GRIN2A: variants seen among roughly 807,000 people sequenced by gnomAD.
The protein encoded by GRIN2A is glutamate receptor ionotropic, NMDA 2A.
In GRIN2A, 22 loss-of-function variants were observed where a neutral mutation model predicts 113.4. That is an observed-to-expected ratio of 0.19 (90% confidence interval 0.14 to 0.28). The LOEUF is 0.28. Among genes scored for constraint, GRIN2A ranks in the 10% least tolerant of loss-of-function variants. The pLI, the probability that GRIN2A is intolerant of heterozygous loss-of-function variation, is 1.00. For missense variants in GRIN2A, 1,502 were observed against 1,887.0 expected (o/e 0.80, Z 3.78); for synonymous variants, 827 against 738.4 (o/e 1.12, Z -1.94).
At chr16:9,801,310 C>T (rs1336870906) in intron 10 of GRIN2A, among the ~76,000 whole-genome samples, 2 of 152,186 alleles carry the variant, frequency 1.3e-5, no homozygotes, top group African/African-American at 4.8e-5. Context: ...TTTAGACTTT[C>T]TAAGTACCAC....
chr16:9,897,785 T>C (rs1340844329), intron 3 of GRIN2A, among the ~76,000 whole-genome samples: 2 of 152,180 alleles, frequency 1.3e-5, no homozygotes, highest in African/African-American at 4.8e-5. Context: ...TTCTAGACTC[T>C]CTTTGTGCTT....
intron 2 of GRIN2A, among the ~76,000 whole-genome samples, chr16:10,038,088 T>C (rs1412976134): frequency 6.6e-6 from 1 of 152,174 alleles, no homozygotes; most frequent in East Asian, 1.9e-4. Flanking sequence ...CAACAGACTT[T>C]ATTTCTCTCA....
In GRIN2A at chr16:10,071,945, T is replaced by C. The variant is rs545498215; in HGVS notation, c.414+108053A>G. 2.6e-5 allele frequency among the ~76,000 whole-genome samples: 4 copies of C among 152,328 alleles called. No individual in the cohort carries two copies. The South Asian group carries it at 8.3e-4, about 32-fold the overall frequency. On this transcript the variant is annotated intron_variant, in intron 2 of 12. Coordinates refer to ENST00000330684, the MANE Select transcript of GRIN2A (RefSeq NM_001134407.3). ...ATGGAGGCACAGAAAGGTGGGTAGG[T>C]TGCCCACCTAAGTGATAGAGCTAAA...
intron 2 of GRIN2A, among the ~76,000 whole-genome samples, chr16:10,065,048 G>A (rs1354196755): frequency 6.6e-6 from 1 of 152,136 alleles, no homozygotes; most frequent in Non-Finnish European, 1.5e-5. Flanking sequence ...AAATTACAGG[G>A]AAATTTAGCA....
At chr16:10,044,007 G>GTATATA (rs368522556) in intron 2 of GRIN2A, among the ~76,000 whole-genome samples, 5,381 of 115,710 alleles carry the variant, frequency 0.047, 147 homozygotes, top group Middle Eastern at 0.093. Context: ...GTGTGTGTGT[G>GTATATA]TATATATATA....
At chr16:10,118,398 C>T (rs971167521) in intron 2 of GRIN2A, among the ~76,000 whole-genome samples, 36 of 152,228 alleles carry the variant, frequency 2.4e-4, no homozygotes, top group African/African-American at 8.4e-4. Flanking sequence ...CCGATACTTG[C>T]GACATCAATG....
chr16:9,754,911 A>G lies in GRIN2A; in HGVS notation c.*8238T>C, dbSNP rs1401317008. On this transcript the variant is annotated 3_prime_UTR_variant, in exon 13 of 13. Coordinates refer to ENST00000330684, the MANE Select transcript of GRIN2A (RefSeq NM_001134407.3). ...GTCAGATCAATGGGAAGCATTTAAAATGCCAAAGACAAACTCATGTTTGCT... is the reference window on the plus strand; with the variant it reads ...GTCAGATCAATGGGAAGCATTTAAAGTGCCAAAGACAAACTCATGTTTGCT... 1 of 222,176 alleles carries G rather than the reference A, an allele frequency of 4.5e-6. No homozygotes were observed. Among genetic ancestry groups the G allele is most frequent in the Non-Finnish European group, 9.0e-6 (1 of 111,110 alleles). 13.8% of individuals were successfully genotyped at this position (222,176 alleles called of 1,614,324 possible).
chr16:10,072,781 ATT>A (rs2047782452), intron 2 of GRIN2A, among the ~76,000 whole-genome samples: 1 of 150,566 alleles, frequency 6.6e-6, no homozygotes, highest in South Asian at 2.1e-4. Flanking sequence ...GAATCCACAT[ATT>A]TAACAAGTTA....
intron 3 of GRIN2A, among the ~76,000 whole-genome samples, chr16:9,924,322 C>CACTGTGGAAAGATATTATT (rs2044415421): frequency 6.6e-6 from 1 of 152,086 alleles, no homozygotes; most frequent in Admixed American, 6.5e-5. Flanking sequence ...ATTTCATTTT[C>CACTGTGGAAAGATATTATT]ACTGTGGAAA....
intron 2 of GRIN2A, among the ~76,000 whole-genome samples, chr16:10,158,682 A>T (rs2049752077): frequency 6.6e-6 from 1 of 152,242 alleles, no homozygotes; most frequent in Non-Finnish European, 1.5e-5. Context: ...AAGGTCACAT[A>T]ACAGACGATC....
At chr16:10,086,932 G>C (rs2048096943) in intron 2 of GRIN2A, among the ~76,000 whole-genome samples, 2 of 152,210 alleles carry the variant, frequency 1.3e-5, no homozygotes, top group Admixed American at 6.5e-5. Flanking sequence ...GCAAACACAG[G>C]ATCCAGATAG....
chr16:10,041,655 A>G (rs577857050), intron 2 of GRIN2A, among the ~76,000 whole-genome samples: 16 of 152,264 alleles, frequency 1.1e-4, no homozygotes, highest in African/African-American at 3.6e-4. Context: ...CCAGGGATGC[A>G]ATAAGAGTTA....
rs140394810 is a variant in GRIN2A, at chr16:10,146,361, G to A, written c.414+33637C>T. ...TCAAACTCCTGACCTCAGGTGATCC[G>A]CCCACCTCGGCCTCCCACAGTGCAT... On this transcript the variant is annotated intron_variant, in intron 2 of 12. Coordinates refer to ENST00000330684, the MANE Select transcript of GRIN2A (RefSeq NM_001134407.3). 2.9e-3 allele frequency among the ~76,000 whole-genome samples: 443 copies of A among 152,102 alleles called. 2 individuals are homozygous for A. Among genetic ancestry groups the A allele is most frequent in the African/African-American group, 0.01 (425 of 41,496 alleles).
Position 10,014,163 on chromosome 16 carries a change from T to C in GRIN2A, c.415-75612A>G, listed in dbSNP as rs2046560631. On this transcript the variant is annotated intron_variant, in intron 2 of 12. Transcript: ENST00000330684. ...AGTTGTGAGTGAATGTGTAGGGGAGTCTGACTTGTCAATATTCTGCTTTAT... is the reference window on the plus strand; with the variant it reads ...AGTTGTGAGTGAATGTGTAGGGGAGCCTGACTTGTCAATATTCTGCTTTAT... Among the ~76,000 whole-genome samples the C allele has an allele frequency of 1.3e-5, 2 of 152,100 alleles. 1 individual carries two copies. The highest frequency in any genetic ancestry group is 4.2e-4 in the South Asian group (2 of 4,812).
intron 11 of GRIN2A, among the ~76,000 whole-genome samples, chr16:9,776,120 T>G (rs1361417956): frequency 6.6e-6 from 1 of 152,124 alleles, no homozygotes; most frequent in Non-Finnish European, 1.5e-5. Context: ...CCCATTACAG[T>G]CTACTCTGGA....
chr16:9,892,948 AAAGAAGAAG>A, intron 3 of GRIN2A, among the ~76,000 whole-genome samples: 1 of 146,492 alleles, frequency 6.8e-6, no homozygotes, highest in South Asian at 2.1e-4. Flanking sequence ...AAAAAAAAAA[AAAGAAGAAG>A]AAGAAGAAGA....
chr16:9,763,887 G>T lies in GRIN2A; in HGVS notation c.3657C>A (p.Ser1219=), dbSNP rs1370140262. 6.2e-7 allele frequency: 1 copy of T among 1,614,116 alleles called. No individual in the cohort carries two copies. The highest frequency in any genetic ancestry group is 1.7e-5 in the Admixed American group (1 of 60,028). The change falls in exon 13 of 13, where the codon TCC becomes TCA. Residue 1219 remains serine (S), a synonymous_variant. Transcript: ENST00000330684. Reference sequence around the variant, plus strand: ...AGTGGCCTGAATAGGTGGGCATGTTGGAAAGGCAGCTTCTGCAGTGCGTGG... The same window carrying T: ...AGTGGCCTGAATAGGTGGGCATGTTTGAAAGGCAGCTTCTGCAGTGCGTGG... The part of the protein sequence containing the change: ...QNSTHCRSCL[S]NMPTYSGHFT...
intron 10 of GRIN2A, among the ~76,000 whole-genome samples, chr16:9,810,168 C>T (rs2141266419): frequency 6.6e-6 from 1 of 152,294 alleles, no homozygotes; most frequent in Non-Finnish European, 1.5e-5. Context: ...GCACAATTAC[C>T]ACCTGATGGT....
intron 2 of GRIN2A, among the ~76,000 whole-genome samples, chr16:10,028,992 G>T (rs1028458739): frequency 6.6e-6 from 1 of 152,166 alleles, no homozygotes; most frequent in East Asian, 1.9e-4. Context: ...TATAGGAAAG[G>T]GGGAGTCCTC....
Sources: allele counts gnomAD v4.1 joint callset (sites outside exome capture counted in the v4.1 genomes callset), GRCh38; gene constraint gnomAD v4.1.1; transcripts MANE v1.5; gene names NCBI Gene and HGNC (gene_info 2026-07-23, HGNC 2026-07-21).